GALK1: variants seen among roughly 807,000 people sequenced by gnomAD.
The protein encoded by GALK1 is galactokinase 1.
GALK1 carries 30 observed loss-of-function variants against 38.6 expected under a neutral mutation model. The observed-to-expected ratio is 0.78, with a 90% CI of 0.58 to 1.05. The LOEUF (loss-of-function observed/expected upper bound fraction) is 1.05, where lower values mean the gene tolerates loss of function less well. GALK1 is among the 50% of genes least tolerant of loss of function. The pLI, the probability that GALK1 is intolerant of heterozygous loss-of-function variation, is 0.00. For synonymous variants in GALK1, 240 were observed against 233.6 expected (o/e 1.03, Z -0.25); for missense variants, 512 against 540.5 (o/e 0.95, Z 0.52).
chr17:75,756,421 C>A (rs371797130), downstream of GALK1: 127 of 1,610,966 alleles, frequency 7.9e-5, no homozygotes, highest in Non-Finnish European at 1.1e-4. Context: ...CCCACCTGAT[C>A]CCCCCAGGTG....
chr17:75,755,246 C>T, downstream of GALK1: 1 of 1,584,026 alleles, frequency 6.3e-7, no homozygotes, highest in Non-Finnish European at 8.6e-7. Flanking sequence ...GTCTCCACAG[C>T]TGTCCTGCTC....
In GALK1 at chr17:75,763,345, G is replaced by A. The variant is rs749400702; in HGVS notation, c.450C>T (p.Tyr150=). Residue 150 remains tyrosine, a synonymous_variant, in exon 3 of 8, where the codon TAC becomes TAT. Coordinates refer to ENST00000588479, the MANE Select transcript of GALK1 (RefSeq NM_000154.2). ...SSSASLEVAT[Y]TFLQQLCPDS... ...CTGGACAGAGCTGCTGGAGGAAGGT[G>A]TACGTGGCCACTTCCAAGGATGCTG... 3.7e-6 allele frequency: 6 copies of A among 1,614,022 alleles called. No individual in the cohort carries two copies. The South Asian group carries it at 5.5e-5, about 15-fold the overall frequency.
chr17:75,755,802 G>C (rs761507638), downstream of GALK1: 4 of 1,610,362 alleles, frequency 2.5e-6, no homozygotes, highest in Admixed American at 1.7e-5. Context: ...GCCGCGGTGC[G>C]AGCGGCCGCT....
At chr17:75,757,466 C>T (rs1298050025), downstream of GALK1, 13 of 1,612,662 alleles carry the variant, frequency 8.1e-6, no homozygotes, top group Admixed American at 1.7e-5. Context: ...CTCCCTCACC[C>T]GGCATGTGAC....
At chr17:75,763,226 C>T (rs1353547485) in intron 3 of GALK1, 77 bp from the exon 4 acceptor site, 1 of 1,610,664 alleles carries the variant, frequency 6.2e-7, no homozygotes, top group Admixed American at 1.7e-5. Flanking sequence ...AGGGAGAGTC[C>T]CTGCCACCCC....
intron 5 of GALK1, among the ~76,000 whole-genome samples, chr17:75,760,114 G>A (rs1181992673): frequency 6.6e-6 from 1 of 152,016 alleles, no homozygotes; most frequent in Non-Finnish European, 1.5e-5. Context: ...TTGTTTTGGA[G>A]ACAGGATCTC....
rs915037769 is a variant in GALK1 at position 75,763,055 on chromosome 17, T to A, written c.570A>T (p.Ser190=). Reference sequence around the variant, plus strand: ...GCGCGTGGCCTTTCTGTCCCATAAGTGAGATGAACTGGTCCATGATGCCAC... The same window carrying A: ...GCGCGTGGCCTTTCTGTCCCATAAGAGAGATGAACTGGTCCATGATGCCAC... The part of the protein sequence containing the change: ...MPCGIMDQFI[S]LMGQKGHALL... The change falls in exon 4 of 8, where the codon TCA becomes TCT. Residue 190 remains serine (S), a synonymous_variant. Transcript: ENST00000588479. 6.2e-7 allele frequency: 1 copy of A among 1,612,252 alleles called. No individual in the cohort carries two copies. Among genetic ancestry groups the A allele is most frequent in the African/African-American group, 1.3e-5 (1 of 74,854 alleles).
chr17:75,764,939 G>A, intron 1 of GALK1, 33 bp downstream of exon 1: 1 of 1,592,910 alleles, frequency 6.3e-7, no homozygotes, highest in South Asian at 1.1e-5. Context: ...GACAGGCGGC[G>A]GCGGGCTAGG....
intron 2 of GALK1, 37 bp from the exon 3 acceptor site, chr17:75,763,476 G>T (rs1365249585): frequency 6.4e-7 from 1 of 1,558,694 alleles, no homozygotes; most frequent in Admixed American, 1.9e-5. Flanking sequence ...AAGAGGGGCT[G>T]CCTGGGAGGA....
chr17:75,754,539 G>T (rs1318454601), downstream of GALK1: 63 of 1,612,394 alleles, frequency 3.9e-5, no homozygotes, highest in Non-Finnish European at 5.1e-5. Context: ...CGGGTCTGGG[G>T]CAGGCCTGAC....
chr17:75,764,590 G>T (rs763666222), intron 1 of GALK1: 1 of 453,760 alleles, frequency 2.2e-6, no homozygotes, highest in South Asian at 1.8e-5. Flanking sequence ...GGCTGGGCCA[G>T]AAGGCTACGT....
intron 7 of GALK1, 24 bp downstream of exon 7, chr17:75,758,186 G>T: frequency 6.2e-7 from 1 of 1,608,870 alleles, no homozygotes; most frequent in Non-Finnish European, 8.5e-7. Flanking sequence ...GCTCCTGCCC[G>T]CCCAGGCCCT....
Position 75,763,398 on chromosome 17 carries a change from C to A in GALK1, c.397G>T (p.Val133Leu). Residue 133 changes from valine (V) to leucine (L), a missense_variant, in exon 3 of 8, where the codon GTG becomes TTG. Transcript: ENST00000588479. ...PGFSAVVVSS[V>L]PLGGGLSSSA... ...CTGGACAGGCCACCCCCCAGGGGCA[C>A]TGAGCTGACCACCACTGCACTGAAG... 1 of 1,612,170 alleles carries A rather than the reference C, an allele frequency of 6.2e-7. No individual in the cohort carries two copies. Among genetic ancestry groups the A allele is most frequent in the Non-Finnish European group, 8.5e-7 (1 of 1,179,306 alleles).
chr17:75,755,581 TC>T, downstream of GALK1: 1 of 1,309,480 alleles, frequency 7.6e-7, no homozygotes, highest in Non-Finnish European at 1.1e-6. Flanking sequence ...GAGTGAGTTG[TC>T]CAGCCAGCGG....
chr17:75,756,288 C>G (rs1224176972), downstream of GALK1: 1 of 833,274 alleles, frequency 1.2e-6, no homozygotes, highest in Admixed American at 2.1e-5. Flanking sequence ...CCATACCATA[C>G]TGTACCCAAC....
chr17:75,755,847 G>A (rs201832426), downstream of GALK1: 194 of 1,603,146 alleles, frequency 1.2e-4, no homozygotes, highest in African/African-American at 2.4e-4. Context: ...GCTGCTGAAC[G>A]GCGGTGAGGC....
intron 8 of GALK1, chr17:75,752,618 C>T: frequency 6.2e-7 from 1 of 1,611,832 alleles, no homozygotes; most frequent in Non-Finnish European, 8.5e-7. Context: ...CAGTGGGGGT[C>T]TTGGGTACAG....
downstream of GALK1, chr17:75,756,891 G>A: frequency 6.2e-7 from 1 of 1,612,270 alleles, no homozygotes; most frequent in Middle Eastern, 1.7e-4. Flanking sequence ...GGAGTGGCCA[G>A]GGGAGGGGTA....
chr17:75,757,873 G>A (rs968092383), downstream of GALK1: 24 of 727,744 alleles, frequency 3.3e-5, no homozygotes, highest in African/African-American at 3.7e-4. Context: ...TAGGGTAGGG[G>A]AGCGGTTCTG....
Sources: allele counts gnomAD v4.1 joint callset (sites outside exome capture counted in the v4.1 genomes callset), GRCh38; gene constraint gnomAD v4.1.1; transcripts MANE v1.5; gene names NCBI Gene and HGNC (gene_info 2026-07-23, HGNC 2026-07-21).